Variants in SLC7A6OS observed in about 807,000 individuals in gnomAD.
SLC7A6OS encodes the protein solute carrier family 7 member 6 opposite strand, also known as probable RNA polymerase II nuclear localization protein SLC7A6OS.
In SLC7A6OS, 22 loss-of-function variants were observed where a neutral mutation model predicts 34.3. The ratio of observed to expected loss-of-function variants is 0.64; its 90% CI spans 0.46 to 0.92. The LOEUF (loss-of-function observed/expected upper bound fraction) is 0.92, where lower values mean the gene tolerates loss of function less well. Ranked by LOEUF, SLC7A6OS falls within the 40% of genes least tolerant of loss-of-function variation. The probability of loss-of-function intolerance (pLI) is 0.00; values close to 1 mark genes in which losing one functional copy is unlikely to be tolerated. For missense variants in SLC7A6OS, 434 were observed against 407.7 expected (o/e 1.06, Z -0.56); for synonymous variants, 199 against 165.0 (o/e 1.21, Z -1.58).
rs1170388621 is a variant in SLC7A6OS, at chr16:68,299,667, GCA to G, written c.*1606_*1607del. 1 of 152,182 alleles carries G rather than the reference GCA, an allele frequency of 6.6e-6. No individual in the cohort carries two copies. The highest frequency in any genetic ancestry group is 1.5e-5 in the Non-Finnish European group (1 of 68,046). The allele number at this position is 152,182 out of a possible 1,614,324, so 9.4% of individuals were successfully genotyped here. On this transcript the variant is annotated 3_prime_UTR_variant, in exon 5 of 5. Transcript: ENST00000263997. The stretch of plus-strand genomic sequence containing the variant: ...AAATAGCAGGGAGCACATTGTAACA[GCA>G]CAGTGTTTTGTTTTTTTCACCCGGT...
chr16:68,304,934 T>C (rs2043316331), intron 2 of SLC7A6OS, among the ~76,000 whole-genome samples: 1 of 152,092 alleles, frequency 6.6e-6, no homozygotes, highest in South Asian at 2.1e-4. Context: ...GCACCTGTAG[T>C]CCCAGGTACT....
At position 68,301,381 on chromosome 16, in the gene SLC7A6OS, C is replaced by T. The variant is rs758747640; in HGVS notation, c.824G>A (p.Ser275Asn). 1.2e-6 allele frequency: 2 copies of T among 1,614,160 alleles called. No individual in the cohort carries two copies. The highest frequency in any genetic ancestry group is 1.7e-6 in the Non-Finnish European group (2 of 1,180,006). Reference protein sequence around the residue: ...SRGSADYNSLSEEERGSSRQR... With the variant: ...SRGSADYNSLNEEERGSSRQR... ...TCTGCTGCTGCCTCTTTCCTCCTCA[C>T]TCAGGCTGTTGTAGTCAGCAGAGCC... is the stretch of plus-strand genomic sequence containing the variant. Residue 275 changes from serine to asparagine, a missense_variant, in exon 5 of 5, where the codon AGT (serine) becomes AAT (asparagine). By Grantham distance (46) the Ser-to-Asn change is conservative. Transcript: ENST00000263997.
intron 2 of SLC7A6OS, 119 bp from the exon 3 acceptor site, chr16:68,304,351 C>CAAAAA: frequency 2.3e-6 from 2 of 856,648 alleles, no homozygotes; most frequent in Non-Finnish European, 3.7e-6. Flanking sequence ...GACGGAGTCT[C>CAAAAA]ACTCTGTCGC....
intron 4 of SLC7A6OS, 112 bp downstream of exon 4, chr16:68,302,269 T>A: frequency 7.6e-7 from 1 of 1,323,730 alleles, no homozygotes; most frequent in South Asian, 1.3e-5. Context: ...GCGGCTGGGC[T>A]GCTGGCGCTC....
chr16:68,308,485 G>C (rs2043342590), intron 2 of SLC7A6OS, among the ~76,000 whole-genome samples: 1 of 151,788 alleles, frequency 6.6e-6, no homozygotes, highest in South Asian at 2.1e-4. Context: ...AAATTAGCCG[G>C]GTGTGGTGGC....
In SLC7A6OS at chr16:68,304,292, G is replaced by A. The variant is rs568032665; in HGVS notation, c.472-60C>T. On this transcript the variant is annotated intron_variant, in intron 2 of 4. Transcript: ENST00000263997. ...GACCCAAAACATGATGTTCCAAGAG[G>A]AGGAACCTATGAGTTGGGTGAAGGA... The A allele has an allele frequency of 2.2e-4, 323 of 1,491,008 alleles. 2 individuals are homozygous for A. In the South Asian group the frequency reaches 3.4e-3, roughly 16 times the overall value. The allele number at this position is 1,491,008 out of a possible 1,614,324, so 92.4% of individuals were successfully genotyped here. A position where few individuals can be genotyped will look rare whatever the true frequency, so the allele number is the denominator to read the frequency against.
intron 2 of SLC7A6OS, among the ~76,000 whole-genome samples, chr16:68,309,389 G>T (rs2043375272): frequency 6.6e-6 from 1 of 151,850 alleles, no homozygotes; most frequent in Non-Finnish European, 1.5e-5. Context: ...TTGAGACAGG[G>T]TCTCACTCTG....
chr16:68,302,271 C>T, intron 4 of SLC7A6OS, 110 bp downstream of exon 4: 1 of 1,349,490 alleles, frequency 7.4e-7, no homozygotes, highest in Non-Finnish European at 1.0e-6. Context: ...GGCTGGGCTG[C>T]TGGCGCTCAA....
chr16:68,303,589 GA>G (rs909392704), intron 3 of SLC7A6OS: 2,651 of 142,516 alleles, frequency 0.019, 58 homozygotes, highest in African/African-American at 0.051. Context: ...TCTCAAAAAA[GA>G]AAAAAAAAAA....
At chr16:68,302,629 T>C (rs1418017572) in intron 3 of SLC7A6OS, 128 bp from the exon 4 acceptor site, 1 of 1,015,092 alleles carries the variant, frequency 9.9e-7, no homozygotes, top group Non-Finnish European at 1.5e-6. Flanking sequence ...TGCAGACTAG[T>C]AGTTTGACTC....
At position 68,310,890 on chromosome 16, in the gene SLC7A6OS, G is replaced by A; in HGVS notation, c.37C>T (p.Arg13Trp). 6.2e-7 allele frequency: 1 copy of A among 1,603,308 alleles called. No homozygotes were observed. Reference protein sequence around the residue: ...AARTAVLRVKRKRSAEPAEAL... With the variant: ...AARTAVLRVKWKRSAEPAEAL... ...TCCGCCGGCTCCGCACTGCGCTTCC[G>A]CTTCACCCGGAGTACAGCGGTCCTG... The change falls in exon 1 of 5, where the codon CGG (arginine) becomes TGG (tryptophan). Residue 13 changes from arginine (R) to tryptophan (W), a missense_variant. Coordinates refer to ENST00000263997, the MANE Select transcript of SLC7A6OS (RefSeq NM_032178.3).
Position 68,300,648 on chromosome 16 carries a change from T to C in SLC7A6OS, c.*627A>G. On this transcript the variant is annotated 3_prime_UTR_variant, in exon 5 of 5. Transcript: ENST00000263997. ...TCAAAGCTAGATTTTACTAAACACA[T>C]GTATCACATTCATATATATTGTTTC... 1 of 985,460 alleles carries C rather than the reference T, an allele frequency of 1.0e-6. No individual in the cohort carries two copies. Among genetic ancestry groups the C allele is most frequent in the Non-Finnish European group, 1.2e-6 (1 of 829,934 alleles). 61.0% of individuals were successfully genotyped at this position (985,460 alleles called of 1,614,324 possible). A position where few individuals can be genotyped will look rare whatever the true frequency, so the allele number is the denominator to read the frequency against.
chr16:68,301,641 T>C, intron 4 of SLC7A6OS: 1 of 345,580 alleles, frequency 2.9e-6, no homozygotes, highest in South Asian at 6.5e-5. Context: ...CCGTGGAGTA[T>C]TTTGTCACTT....
At chr16:68,303,738 A>G (rs1567602601) in intron 3 of SLC7A6OS, 1 of 371,962 alleles carries the variant, frequency 2.7e-6, no homozygotes, top group Non-Finnish European at 4.9e-6. Context: ...AGCCCCATAT[A>G]CATATTTCCC....
chr16:68,302,123 A>G, intron 4 of SLC7A6OS: 1 of 460,290 alleles, frequency 2.2e-6, no homozygotes, highest in Non-Finnish European at 3.9e-6. Flanking sequence ...AGGCTCAGTG[A>G]GGTGAAGTAA....
rs2043221661 is a variant in SLC7A6OS, at chr16:68,298,960, TA to T, written c.*2314del. 6.6e-6 allele frequency: 1 copy of T among 152,652 alleles called. No individual in the cohort carries two copies. The highest frequency in any genetic ancestry group is 2.4e-5 in the African/African-American group (1 of 41,452). 9.5% of individuals were successfully genotyped at this position (152,652 alleles called of 1,614,324 possible). On this transcript the variant is annotated 3_prime_UTR_variant, in exon 5 of 5. Transcript: ENST00000263997. ...CCATTCTTCTCCACCCAGTCACAGA[TA>T]AGGGAATAACCTTGGCCATATATTT...
chr16:68,307,026 C>G (rs187758763), intron 2 of SLC7A6OS, among the ~76,000 whole-genome samples: 1 of 152,144 alleles, frequency 6.6e-6, no homozygotes, highest in Non-Finnish European at 1.5e-5. Flanking sequence ...TTTCACTACA[C>G]ACAGCATTTT....
At chr16:68,302,072 A>G (rs1415318775) in intron 4 of SLC7A6OS, 2 of 312,538 alleles carry the variant, frequency 6.4e-6, no homozygotes, top group African/African-American at 4.3e-5. Flanking sequence ...AATCTCAACC[A>G]CTAAAATTCA....
chr16:68,301,682 T>C (rs2043279468), intron 4 of SLC7A6OS: 2 of 256,442 alleles, frequency 7.8e-6, no homozygotes, highest in Admixed American at 5.2e-5. Flanking sequence ...TTTGTTGTTG[T>C]AAGAGTTGTA....
Sources: gnomAD v4.1 joint callset for allele counts (sites outside exome capture counted in the v4.1 genomes callset) on GRCh38, gnomAD v4.1.1 for gene constraint, MANE v1.5 for transcripts, NCBI Gene and HGNC (gene_info 2026-07-23, HGNC 2026-07-21) for gene names.